Variants in EGFLAM observed in about 807,000 individuals in gnomAD.
The protein encoded by EGFLAM is EGF like, fibronectin type III and laminin G domains, also known as pikachurin.
Under a neutral mutation model 113.1 loss-of-function variants are expected in EGFLAM, and 79 were observed. That is an observed-to-expected ratio of 0.70 (90% CI 0.58 to 0.84). The LOEUF is 0.84. Ranked by LOEUF, EGFLAM falls within the 40% of genes least tolerant of loss-of-function variation. EGFLAM has a pLI of 0.00. For missense variants in EGFLAM, 1,265 were observed against 1,291.6 expected (o/e 0.98, Z 0.32); for synonymous variants, 504 against 487.6 (o/e 1.03, Z -0.44).
At chr5:38,404,551 T>C (rs920171468) in intron 6 of EGFLAM, among the ~76,000 whole-genome samples, 1 of 152,236 alleles carries the variant, frequency 6.6e-6, no homozygotes, top group African/African-American at 2.4e-5. Flanking sequence ...GAGGGTGAGT[T>C]TGTCTTCCTG....
In EGFLAM at chr5:38,426,993, A is replaced by G. The variant is rs767057619; in HGVS notation, c.1811-16A>G. On this transcript the variant is annotated splice_polypyrimidine_tract_variant and intron_variant, in intron 13 of 21. Coordinates refer to ENST00000322350, the MANE Select transcript of EGFLAM (RefSeq NM_152403.4). ...CTGCCACAGAGGGATTTCTAACACC[A>G]TGCTTGTTTTTTCAGCTTTCACCTT... is the stretch of plus-strand genomic sequence containing the variant. 9.9e-6 allele frequency: 16 copies of G among 1,612,962 alleles called. No individual in the cohort carries two copies. Among genetic ancestry groups the G allele is most frequent in the African/African-American group, 5.3e-5 (4 of 74,906 alleles).
Position 38,352,646 on chromosome 5 carries a change from C to CAA in EGFLAM, c.545+329_545+330dup, listed in dbSNP as rs541898872. Among the ~76,000 whole-genome samples the CAA allele has an allele frequency of 4.6e-3, 420 of 91,882 alleles. 14 individuals carry two copies. The East Asian group carries it at 0.088, about 19-fold the overall frequency. 60.3% of individuals were successfully genotyped at this position (91,882 alleles called of 152,430 possible). A position where few individuals can be genotyped will look rare whatever the true frequency, so the allele number is the denominator to read the frequency against. ...TGGGTGACAGAGCAAGACTCCATCC[C>CAA]AAAAAAAAAAAAAAAGCCAAATGTG... On this transcript the variant is annotated intron_variant, in intron 5 of 21. Transcript: ENST00000322350.
At position 38,427,064 on chromosome 5, in the gene EGFLAM, T is replaced by G; in HGVS notation, c.1866T>G (p.Thr622=). ...FRESLRSYAA[T]PWPLEPQHYL... ...AGTCTCTGAGATCTTACGCTGCAAC[T>G]CCCTGGCCACTGGAGCCCCAGCATT... Residue 622 remains threonine, a synonymous_variant, in exon 14 of 22, where the codon ACT becomes ACG. Transcript: ENST00000322350. 1.2e-6 allele frequency: 2 copies of G among 1,614,088 alleles called. No individual in the cohort carries two copies. The highest frequency in any genetic ancestry group is 8.5e-7 in the Non-Finnish European group (1 of 1,180,026).
chr5:38,363,711 C>A (rs1385057969), intron 5 of EGFLAM, among the ~76,000 whole-genome samples: 4 of 151,916 alleles, frequency 2.6e-5, no homozygotes, highest in African/African-American at 9.7e-5. Flanking sequence ...CCTTTGTGAA[C>A]CTATATATTT....
intron 4 of EGFLAM, 86 bp from the exon 5 acceptor site, chr5:38,352,110 G>A (rs1739642853): frequency 6.3e-7 from 1 of 1,580,602 alleles, no homozygotes; most frequent in Non-Finnish European, 8.6e-7. Context: ...CGTCTCCAAT[G>A]GCTGAGACCA....
Position 38,448,362 on chromosome 5 carries a change from C to T in EGFLAM, c.2526C>T (p.Asn842=), listed in dbSNP as rs759318183. The T allele has an allele frequency of 3.1e-6, 5 of 1,614,134 alleles. No homozygotes were observed. The highest frequency in any genetic ancestry group is 4.2e-6 in the Non-Finnish European group (5 of 1,180,028). Reference sequence around the variant, plus strand: ...GCCGCAGTTACCTGACGTATGACAACCCAGATATCTTGAAGAGGTAATAAG... The same window carrying T: ...GCCGCAGTTACCTGACGTATGACAATCCAGATATCTTGAAGAGGTAATAAG... The part of the protein sequence containing the change: ...FIGRSYLTYD[N]PDILKRVSGS... Residue 842 remains asparagine (N), a synonymous_variant, in exon 18 of 22, where the codon AAC becomes AAT. Transcript: ENST00000322350.
At chr5:38,396,429 A>G (rs918228205) in intron 6 of EGFLAM, among the ~76,000 whole-genome samples, 15 of 152,220 alleles carry the variant, frequency 9.9e-5, no homozygotes, top group African/African-American at 3.6e-4. Flanking sequence ...ATCGTATCAG[A>G]TTATAACTGG....
chr5:38,390,709 A>G (rs1005691323), intron 6 of EGFLAM, among the ~76,000 whole-genome samples: 1 of 152,230 alleles, frequency 6.6e-6, no homozygotes, highest in Non-Finnish European at 1.5e-5. Context: ...ATATATCATT[A>G]TTATTTTGAA....
At chr5:38,298,667 A>G (rs1288546462) in intron 1 of EGFLAM, among the ~76,000 whole-genome samples, 2 of 152,192 alleles carry the variant, frequency 1.3e-5, no homozygotes, top group Non-Finnish European at 2.9e-5. Context: ...TGGAATGTTT[A>G]TTATATATTA....
intron 6 of EGFLAM, among the ~76,000 whole-genome samples, chr5:38,383,602 A>T (rs2112068266): frequency 6.6e-6 from 1 of 152,316 alleles, no homozygotes; most frequent in East Asian, 1.9e-4. Context: ...TTTAGCAGTA[A>T]ACAAGATCAA....
chr5:38,434,467 G>A (rs1366388918), intron 15 of EGFLAM, among the ~76,000 whole-genome samples: 4 of 152,228 alleles, frequency 2.6e-5, no homozygotes, highest in East Asian at 1.9e-4. Flanking sequence ...TGTAGTATGT[G>A]CCTAATAATA....
At chr5:38,286,846 A>G (rs773964193) in intron 1 of EGFLAM, among the ~76,000 whole-genome samples, 11 of 152,202 alleles carry the variant, frequency 7.2e-5, no homozygotes, top group Non-Finnish European at 1.3e-4. Flanking sequence ...ATGGTGACCA[A>G]TGTGTGAATA....
At position 38,370,430 on chromosome 5, in the gene EGFLAM, G is replaced by A. The variant is rs199795131; in HGVS notation, c.680G>A (p.Arg227His). The A allele has an allele frequency of 2.5e-3, 4,041 of 1,614,114 alleles. 119 individuals carry two copies. The South Asian group carries it at 0.042, about 17-fold the overall frequency. The part of the protein sequence containing the change: ...RAMNSHGPSP[R>H]SWPSDIIRTL... ...ATGAATTCCCATGGCCCCAGCCCCCGCAGCTGGCCCAGTGACATCATCCGG... is the reference window on the plus strand; with the variant it reads ...ATGAATTCCCATGGCCCCAGCCCCCACAGCTGGCCCAGTGACATCATCCGG... Residue 227 changes from arginine to histidine, a missense_variant, in exon 6 of 22, where the codon CGC becomes CAC. Arg to His is a conservative substitution (Grantham distance 29, BLOSUM62 0). Coordinates refer to ENST00000322350, the MANE Select transcript of EGFLAM (RefSeq NM_152403.4).
At chr5:38,451,131 C>T (rs922668816) in intron 18 of EGFLAM, among the ~76,000 whole-genome samples, 184 bp from the exon 19 acceptor site, 17 of 152,216 alleles carry the variant, frequency 1.1e-4, no homozygotes, top group African/African-American at 4.1e-4. Context: ...GGGAGAGAGA[C>T]TGCTGCTGAG....
intron 1 of EGFLAM, among the ~76,000 whole-genome samples, chr5:38,296,192 G>A (rs1295972554): frequency 6.6e-6 from 1 of 152,178 alleles, no homozygotes; most frequent in Non-Finnish European, 1.5e-5. Context: ...AAGAAGAGTT[G>A]TCTCCATCTT....
chr5:38,410,089 A>G (rs547930489), intron 10 of EGFLAM, among the ~76,000 whole-genome samples: 2 of 152,260 alleles, frequency 1.3e-5, no homozygotes, highest in South Asian at 4.1e-4. Flanking sequence ...TAAATGAGTT[A>G]ATTCATAAAA....
Position 38,258,783 on chromosome 5 carries a change from G to GGCTCCT in EGFLAM, c.37_42dup (p.Leu13_Leu14dup). On this transcript the variant is annotated inframe_insertion, in exon 1 of 22. Transcript: ENST00000322350. ...GATTTAATCCGAGGCGTCTTGCTCC[G>GGCTCCT]GCTCCTGCTCCTGGCTTCCAGCCTC... is the stretch of plus-strand genomic sequence containing the variant. 1 of 1,612,164 alleles carries GGCTCCT rather than the reference G, an allele frequency of 6.2e-7. No homozygotes were observed. Among genetic ancestry groups the GGCTCCT allele is most frequent in the Non-Finnish European group, 8.5e-7 (1 of 1,179,462 alleles).
At chr5:38,306,950 A>C (rs1469706277) in intron 1 of EGFLAM, among the ~76,000 whole-genome samples, 3 of 152,196 alleles carry the variant, frequency 2.0e-5, no homozygotes, top group Non-Finnish European at 4.4e-5. Context: ...GGCTGGCAGC[A>C]AGAACCAAGA....
chr5:38,370,483 G>A (rs1740180099), intron 6 of EGFLAM, 21 bp downstream of exon 6: 1 of 1,609,544 alleles, frequency 6.2e-7, no homozygotes, highest in African/African-American at 1.3e-5. Context: ...GGGTCCTTCT[G>A]AGGGACCAAG....
Sources: gnomAD v4.1 joint callset for allele counts (sites outside exome capture counted in the v4.1 genomes callset) on GRCh38, gnomAD v4.1.1 for gene constraint, MANE v1.5 for transcripts, NCBI Gene and HGNC (gene_info 2026-07-23, HGNC 2026-07-21) for gene names.